TTC7A: variants seen among roughly 807,000 people sequenced by gnomAD.
The protein encoded by TTC7A is tetratricopeptide repeat protein 7A.
A neutral mutation model predicts 103.7 loss-of-function variants in TTC7A; 110 were observed. The ratio of observed to expected loss-of-function variants is 1.06; its 90% confidence interval spans 0.91 to 1.24. The LOEUF is 1.24. Among genes scored for constraint, TTC7A ranks in the 50% most tolerant of loss-of-function variants. The pLI is 0.00. For missense variants in TTC7A, 1,340 were observed against 1,116.3 expected (o/e 1.20, Z -2.86); for synonymous variants, 521 against 467.9 (o/e 1.11, Z -1.47).
intron 18 of TTC7A, among the ~76,000 whole-genome samples, 159 bp from the exon 19 acceptor site, chr2:47,060,610 C>T (rs961988629): frequency 4.6e-5 from 7 of 152,192 alleles, no homozygotes; most frequent in Admixed American, 3.9e-4. Context: ...ACCTAGTGTT[C>T]CCACTACATC....
At chr2:47,066,601 C>T (rs1298779216) in intron 19 of TTC7A, among the ~76,000 whole-genome samples, 1 of 152,232 alleles carries the variant, frequency 6.6e-6, no homozygotes, top group African/African-American at 2.4e-5. Context: ...AGGTGACAAA[C>T]CTAAGACAAG....
At chr2:47,005,900 C>T (rs1677320936) in intron 8 of TTC7A, 22 bp from the exon 9 acceptor site, 1 of 1,613,772 alleles carries the variant, frequency 6.2e-7, no homozygotes, top group Non-Finnish European at 8.5e-7. Flanking sequence ...TCACTCTTTC[C>T]CAAACAATGT....
At chr2:46,989,083 A>T (rs1483797711) in intron 5 of TTC7A, among the ~76,000 whole-genome samples, 1 of 152,212 alleles carries the variant, frequency 6.6e-6, no homozygotes, top group African/African-American at 2.4e-5. Flanking sequence ...AACGTGTAGC[A>T]CTGCCTGCTG....
In TTC7A at chr2:46,958,176, C is replaced by T. The variant is rs1672053641; in HGVS notation, c.517+1169C>T. Among the ~76,000 whole-genome samples the T allele has an allele frequency of 2.0e-5, 3 of 152,158 alleles. No homozygotes were observed. In the South Asian group the frequency reaches 6.2e-4, roughly 32 times the overall value. Reference sequence around the variant, plus strand: ...CCCTCCTTGACTCTGGCTGGTGGGACTTCTGAGGGGGTTCGCCCACCCAAG... The same window carrying T: ...CCCTCCTTGACTCTGGCTGGTGGGATTTCTGAGGGGGTTCGCCCACCCAAG... On this transcript the variant is annotated intron_variant, in intron 3 of 19. Transcript: ENST00000319190.
At chr2:47,042,535 G>T (rs990451867) in intron 15 of TTC7A, among the ~76,000 whole-genome samples, 1 of 152,024 alleles carries the variant, frequency 6.6e-6, no homozygotes, top group African/African-American at 2.4e-5. Context: ...TTTATAAAAG[G>T]GCAGCTTTTC....
intron 15 of TTC7A, among the ~76,000 whole-genome samples, chr2:47,033,972 G>A (rs972812658): frequency 6.6e-6 from 1 of 152,194 alleles, no homozygotes; most frequent in Non-Finnish European, 1.5e-5. Context: ...CTAGGCTCCC[G>A]GAGAAAACCC....
intron 18 of TTC7A, chr2:47,054,165 G>A: frequency 2.0e-6 from 2 of 985,456 alleles, no homozygotes; most frequent in Non-Finnish European, 2.4e-6. Context: ...GGGTCAGGCA[G>A]TGTAGTATTA....
At position 47,073,764 on chromosome 2, in the gene TTC7A, G is replaced by A; in HGVS notation, c.2418G>A (p.Val806=). The A allele has an allele frequency of 6.2e-7, 1 of 1,613,878 alleles. No homozygotes were observed. Among genetic ancestry groups the A allele is most frequent in the Non-Finnish European group, 8.5e-7 (1 of 1,180,042 alleles). The part of the protein sequence containing the change: ...SLAQKVLRDA[V]ERQSTCHEAW... ...CCCAGAAGGTGCTTCGTGATGCCGT[G>A]GAGAGGCAGAGTACGTGCCACGAGG... is the stretch of plus-strand genomic sequence containing the variant. The change falls in exon 20 of 20, where the codon GTG becomes GTA. Residue 806 remains valine (V), a synonymous_variant. Coordinates refer to ENST00000319190, the MANE Select transcript of TTC7A (RefSeq NM_020458.4).
At chr2:47,052,803 C>G (rs1365035433) in intron 18 of TTC7A, among the ~76,000 whole-genome samples, 1 of 152,186 alleles carries the variant, frequency 6.6e-6, no homozygotes, top group African/African-American at 2.4e-5. Context: ...ACGTGAAGTT[C>G]TGGGCCCAGG....
intron 17 of TTC7A, chr2:47,050,267 C>T: frequency 5.3e-6 from 3 of 563,162 alleles, no homozygotes; most frequent in Non-Finnish European, 3.2e-6. Context: ...AACCCTGCCT[C>T]CTGCATGGGG....
chr2:46,986,908 C>T (rs538293347), intron 5 of TTC7A, among the ~76,000 whole-genome samples: 3 of 152,306 alleles, frequency 2.0e-5, no homozygotes, highest in African/African-American at 7.2e-5. Context: ...AAAGCCTGGG[C>T]CTCCCTGTCT....
At chr2:47,017,033 T>C (rs908059739) in intron 11 of TTC7A, among the ~76,000 whole-genome samples, 6 of 151,760 alleles carry the variant, frequency 4.0e-5, no homozygotes, top group African/African-American at 1.5e-4. Context: ...ACCCCATCTC[T>C]ACTAAAAATA....
chr2:47,064,045 T>G (rs919878), intron 19 of TTC7A, among the ~76,000 whole-genome samples: 7,710 of 152,292 alleles, frequency 0.051, 663 homozygotes, highest in African/African-American at 0.17. Context: ...GTGCCCTAGA[T>G]GCAATAAGGG....
intron 18 of TTC7A, chr2:47,054,132 G>A (rs546657397): frequency 5.7e-5 from 56 of 985,326 alleles, no homozygotes; most frequent in Non-Finnish European, 6.7e-5. Context: ...GCATCTGAAT[G>A]CTTTGAATGT....
In TTC7A at chr2:47,024,301, C is replaced by A. The variant is rs745524400; in HGVS notation, c.1583C>A (p.Ala528Glu). Residue 528 changes from alanine to glutamate, a missense_variant, in exon 14 of 20, where the codon GCG becomes GAG. By Grantham distance (107) the Ala-to-Glu change is moderately radical. Transcript: ENST00000319190. Reference sequence around the variant, plus strand: ...TCCCCACACAGGGCTCAGCAGCTGGCGCCCAGTGACCCCCAGGTCATCCTC... The same window carrying A: ...TCCCCACACAGGGCTCAGCAGCTGGAGCCCAGTGACCCCCAGGTCATCCTC... Reference protein sequence around the residue: ...LQTLERAQQLAPSDPQVILYV... With the variant: ...LQTLERAQQLEPSDPQVILYV... The A allele has an allele frequency of 1.2e-6, 2 of 1,607,038 alleles. No individual in the cohort carries two copies. Among genetic ancestry groups the A allele is most frequent in the South Asian group, 1.1e-5 (1 of 90,182 alleles).
Position 47,007,532 on chromosome 2 carries a change from C to T in TTC7A, c.1287+808C>T, listed in dbSNP as rs1239323921. On this transcript the variant is annotated intron_variant, in intron 10 of 19. Coordinates refer to ENST00000319190, the MANE Select transcript of TTC7A (RefSeq NM_020458.4). This position sits in a 1 kb window ranked among gnomAD's most constrained non-coding sequence, Gnocchi z 4.9. ...CCCTTTCATGGGGCTGAGGGAATTC[C>T]TCGCCCCCCTGGCCCATCTGTGCCA... Among the ~76,000 whole-genome samples the T allele has an allele frequency of 6.6e-6, 1 of 152,188 alleles. No homozygotes were observed. Among genetic ancestry groups the T allele is most frequent in the Non-Finnish European group, 1.5e-5 (1 of 68,022 alleles).
At chr2:47,011,481 G>T in intron 11 of TTC7A, 46 bp downstream of exon 11, 1 of 1,484,726 alleles carries the variant, frequency 6.7e-7, no homozygotes, top group South Asian at 1.2e-5. Flanking sequence ...CTGTGGGGAG[G>T]GTGGCAGCAG....
At chr2:47,063,660 A>G (rs1683963785) in intron 19 of TTC7A, among the ~76,000 whole-genome samples, 1 of 152,336 alleles carries the variant, frequency 6.6e-6, no homozygotes, top group South Asian at 2.1e-4. Flanking sequence ...GCCCCCAGGG[A>G]GGACACTCTG....
intron 2 of TTC7A, among the ~76,000 whole-genome samples, chr2:46,954,017 C>G (rs918066504): frequency 6.6e-6 from 1 of 152,130 alleles, no homozygotes; most frequent in African/African-American, 2.4e-5. Context: ...CCTTTAGTGT[C>G]TACAGCCCAT....
Sources: allele counts gnomAD v4.1 joint callset (sites outside exome capture counted in the v4.1 genomes callset), GRCh38; gene constraint gnomAD v4.1.1; non-coding constraint Gnocchi (gnomAD v3.1); transcripts MANE v1.5; gene names NCBI Gene and HGNC (gene_info 2026-07-23, HGNC 2026-07-21).